Variants in PRKCE observed in about 807,000 individuals in gnomAD.
PRKCE encodes protein kinase C epsilon.
In PRKCE, 16 loss-of-function variants were observed where a neutral mutation model predicts 85.4. The ratio of observed to expected loss-of-function variants is 0.19; its 90% confidence interval spans 0.13 to 0.28. The LOEUF is 0.28. PRKCE is among the 10% of genes least tolerant of loss of function. The pLI, the probability that PRKCE is intolerant of heterozygous loss-of-function variation, is 1.00. For synonymous variants in PRKCE, 388 were observed against 371.5 expected (o/e 1.04, Z -0.51); for missense variants, 573 against 975.2 (o/e 0.59, Z 5.49).
At chr2:45,986,822 G>A (rs542576399) in intron 6 of PRKCE, among the ~76,000 whole-genome samples, 2 of 152,070 alleles carry the variant, frequency 1.3e-5, no homozygotes, top group Admixed American at 6.5e-5. Context: ...CCACTTCCCC[G>A]TTGGAGTATT....
intron 11 of PRKCE, among the ~76,000 whole-genome samples, chr2:46,103,396 C>T (rs540159506): frequency 7.2e-5 from 11 of 152,136 alleles, no homozygotes; most frequent in South Asian, 2.1e-4. Context: ...AATCTAGGTG[C>T]GAAGTGTGCT....
At chr2:45,740,049 G>A (rs1399013666) in intron 1 of PRKCE, among the ~76,000 whole-genome samples, 1 of 152,018 alleles carries the variant, frequency 6.6e-6, no homozygotes. Context: ...AGGCATGGTG[G>A]CTTGTGCCTA....
intron 8 of PRKCE, 24 bp from the exon 9 acceptor site, chr2:46,007,438 A>G: frequency 1.3e-6 from 2 of 1,599,118 alleles, no homozygotes; most frequent in Non-Finnish European, 1.7e-6. Flanking sequence ...CACTAATGCA[A>G]TTTCTTGTTC....
chr2:45,708,288 T>G (rs1288431559), intron 1 of PRKCE, among the ~76,000 whole-genome samples: 1 of 152,170 alleles, frequency 6.6e-6, no homozygotes, highest in Admixed American at 6.5e-5. Flanking sequence ...AAAGCCTACA[T>G]CGTGGGAAAA....
intron 2 of PRKCE, among the ~76,000 whole-genome samples, chr2:45,917,637 T>A (rs1454361116): frequency 6.6e-6 from 1 of 152,232 alleles, no homozygotes; most frequent in African/African-American, 2.4e-5. Flanking sequence ...GGGCTGCAGG[T>A]GGAGCTGCCT....
intron 11 of PRKCE, among the ~76,000 whole-genome samples, chr2:46,108,200 C>T (rs1049328396): frequency 6.6e-6 from 1 of 152,202 alleles, no homozygotes; most frequent in Non-Finnish European, 1.5e-5. Context: ...TGTGAGCCTC[C>T]ATGCCTGGCC....
chr2:45,942,508 G>T (rs147818539), intron 2 of PRKCE, among the ~76,000 whole-genome samples: 1 of 152,166 alleles, frequency 6.6e-6, no homozygotes, highest in African/African-American at 2.4e-5. Flanking sequence ...TATGAGGAAC[G>T]TGCAGCCGTT....
chr2:45,740,201 G>A (rs1312330819), intron 1 of PRKCE, among the ~76,000 whole-genome samples: 1 of 151,476 alleles, frequency 6.6e-6, no homozygotes, highest in African/African-American at 2.4e-5. Flanking sequence ...TCCCTGAACT[G>A]AGTAAACCAG....
chr2:46,140,442 A>G (rs1675402114), intron 11 of PRKCE, among the ~76,000 whole-genome samples: 2 of 152,194 alleles, frequency 1.3e-5, no homozygotes, highest in South Asian at 4.1e-4. Context: ...TGACCTATTC[A>G]ACGTAAGGGA....
intron 1 of PRKCE, among the ~76,000 whole-genome samples, chr2:45,689,860 C>T (rs937941742): frequency 4.8e-5 from 7 of 145,148 alleles, no homozygotes; most frequent in Non-Finnish European, 1.0e-4. Context: ...CACACCACTG[C>T]ACTGGTGTGA....
intron 13 of PRKCE, among the ~76,000 whole-genome samples, chr2:46,158,959 C>T (rs938021244): frequency 4.6e-5 from 7 of 152,116 alleles, no homozygotes; most frequent in Non-Finnish European, 1.0e-4. Context: ...TGATTTTCAC[C>T]TACAAGCATT....
chr2:45,825,096 G>A lies in PRKCE; in HGVS notation c.349-17904G>A, dbSNP rs186583299. On this transcript the variant is annotated intron_variant, in intron 1 of 14. Transcript: ENST00000306156. ...CAACTCCACATTACTTTTTTCCTCC[G>A]GGGATGAATGTAGAACTAGTAGCCT... Among the ~76,000 whole-genome samples, 221 of 152,224 alleles carry A rather than the reference G, an allele frequency of 1.5e-3. 2 individuals carry two copies. The highest frequency in any genetic ancestry group is 4.1e-3 in the African/African-American group (170 of 41,554).
At chr2:46,013,316 C>T (rs1049413264) in intron 10 of PRKCE, among the ~76,000 whole-genome samples, 2 of 152,180 alleles carry the variant, frequency 1.3e-5, no homozygotes, top group East Asian at 1.9e-4. Context: ...ACAGTTCTCA[C>T]GTGGAAGGAT....
chr2:45,990,534 G>A (rs927893678), intron 6 of PRKCE, among the ~76,000 whole-genome samples: 7 of 152,062 alleles, frequency 4.6e-5, no homozygotes, highest in South Asian at 2.1e-4. Flanking sequence ...AAATGCAATC[G>A]TCTTGTCTAT....
intron 2 of PRKCE, among the ~76,000 whole-genome samples, chr2:45,964,724 A>G (rs1701618783): frequency 6.6e-6 from 1 of 152,234 alleles, no homozygotes; most frequent in African/African-American, 2.4e-5. Flanking sequence ...TGTTCAACAC[A>G]GTGTGCTTGG....
intron 2 of PRKCE, among the ~76,000 whole-genome samples, chr2:45,927,266 CAA>C (rs1248003322): frequency 6.6e-6 from 1 of 152,108 alleles, no homozygotes; most frequent in Non-Finnish European, 1.5e-5. Flanking sequence ...TGTGAATTAA[CAA>C]ATGTAGTTGG....
intron 2 of PRKCE, among the ~76,000 whole-genome samples, chr2:45,906,919 T>G (rs1206574513): frequency 2.0e-5 from 3 of 152,230 alleles, no homozygotes; most frequent in Non-Finnish European, 4.4e-5. Flanking sequence ...TTTCATGGGC[T>G]TCTCCTGCCG....
rs1422364769 is a variant in PRKCE at position 45,697,710 on chromosome 2, T to C, written c.348+45262T>C. 6.6e-6 allele frequency among the ~76,000 whole-genome samples: 1 copy of C among 152,194 alleles called. No homozygotes were observed. Among genetic ancestry groups the C allele is most frequent in the African/African-American group, 2.4e-5 (1 of 41,444 alleles). ...CTGTTCCCAGGAGCTTTCTGGAAGT[T>C]ACTTCCTGTTTCACAGCCCCTCTCT... is the stretch of plus-strand genomic sequence containing the variant. On this transcript the variant is annotated intron_variant, in intron 1 of 14. Coordinates refer to ENST00000306156, the MANE Select transcript of PRKCE (RefSeq NM_005400.3). The surrounding 1 kb of genome is among the most constrained non-coding windows in gnomAD (Gnocchi z 4.2).
intron 1 of PRKCE, among the ~76,000 whole-genome samples, chr2:45,803,331 TG>T (rs1018357258): frequency 6.6e-6 from 1 of 152,220 alleles, no homozygotes; most frequent in African/African-American, 2.4e-5. Context: ...ATAAAGATTT[TG>T]GGTAAGTGCT....
Sources: gnomAD v4.1 joint callset for allele counts (sites outside exome capture counted in the v4.1 genomes callset) on GRCh38, gnomAD v4.1.1 for gene constraint, Gnocchi (gnomAD v3.1) non-coding constraint, MANE v1.5 for transcripts, NCBI Gene and HGNC (gene_info 2026-07-23, HGNC 2026-07-21) for gene names.